ADAMTS3: variants seen among roughly 807,000 people sequenced by gnomAD.
ADAMTS3 encodes ADAM metallopeptidase with thrombospondin type 1 motif 3, also known as A disintegrin and metalloproteinase with thrombospondin motifs 3.
A neutral mutation model predicts 129.0 loss-of-function variants in ADAMTS3; 73 were observed. The ratio of observed to expected loss-of-function variants is 0.57; its 90% CI spans 0.47 to 0.69. The LOEUF (loss-of-function observed/expected upper bound fraction) is 0.69. Among genes scored for constraint, ADAMTS3 ranks in the 30% least tolerant of loss-of-function variants. ADAMTS3 has a pLI of 0.00. For synonymous variants in ADAMTS3, 477 were observed against 510.8 expected (o/e 0.93, Z 0.89); for missense variants, 1,457 against 1,514.5 (o/e 0.96, Z 0.63).
Position 72,473,387 on chromosome 4 carries a change from T to A in ADAMTS3, c.505-58416A>T, listed in dbSNP as rs537162415. Among the ~76,000 whole-genome samples, 3 of 151,994 alleles carry A rather than the reference T, an allele frequency of 2.0e-5. No homozygotes were observed. In the East Asian group the frequency reaches 5.8e-4, roughly 29 times the overall value. On this transcript the variant is annotated intron_variant, in intron 3 of 21. Transcript: ENST00000286657. ...AAAAAAAGTTAGCAACTCAGAAATG[T>A]AGACAAAAACAGGCAAGGAAACAAA...
intron 3 of ADAMTS3, among the ~76,000 whole-genome samples, chr4:72,513,117 C>T (rs1229866450): frequency 6.6e-6 from 1 of 152,120 alleles, no homozygotes; most frequent in Admixed American, 6.5e-5. Flanking sequence ...TGGAGAGTAC[C>T]CACGACTCCC....
At chr4:72,508,881 A>G (rs1017069207) in intron 3 of ADAMTS3, among the ~76,000 whole-genome samples, 2 of 152,116 alleles carry the variant, frequency 1.3e-5, no homozygotes, top group African/African-American at 4.8e-5. Context: ...TAGGTCAAAA[A>G]GCAAGTTTTA....
At chr4:72,413,138 A>C (rs1423882592) in intron 4 of ADAMTS3, among the ~76,000 whole-genome samples, 1 of 151,978 alleles carries the variant, frequency 6.6e-6, no homozygotes, top group African/African-American at 2.4e-5. Context: ...TAGGGCTAAT[A>C]TTTATAGAAA....
chr4:72,552,862 C>A (rs1239298164), intron 2 of ADAMTS3, among the ~76,000 whole-genome samples: 1 of 152,124 alleles, frequency 6.6e-6, no homozygotes, highest in Admixed American at 6.5e-5. Flanking sequence ...TCTTACCTTT[C>A]GCCATAAATC....
At chr4:72,365,504 A>G (rs1284017435) in intron 4 of ADAMTS3, among the ~76,000 whole-genome samples, 1 of 152,184 alleles carries the variant, frequency 6.6e-6, no homozygotes. Context: ...GGCAAGGAAT[A>G]TGCATTATAT....
In ADAMTS3 at chr4:72,473,335, CT is replaced by C. The variant is rs1375330281; in HGVS notation, c.505-58365del. 2.0e-5 allele frequency among the ~76,000 whole-genome samples: 3 copies of C among 152,048 alleles called. No individual in the cohort carries two copies. In the East Asian group the frequency reaches 5.8e-4, roughly 30 times the overall value. The stretch of plus-strand genomic sequence containing the variant: ...GATGACATGCTGGGTTTTCTTTTTG[CT>C]TCTTTTATCCCAGATTTGCAGTGGA... On this transcript the variant is annotated intron_variant, in intron 3 of 21. Coordinates refer to ENST00000286657, the MANE Select transcript of ADAMTS3 (RefSeq NM_014243.3).
At chr4:72,328,940 C>A (rs1719767094) in intron 5 of ADAMTS3, among the ~76,000 whole-genome samples, 2 of 152,178 alleles carry the variant, frequency 1.3e-5, no homozygotes, top group African/African-American at 2.4e-5. Context: ...GTATTCTCAG[C>A]CCCATACTCA....
intron 3 of ADAMTS3, among the ~76,000 whole-genome samples, chr4:72,463,508 A>G (rs752300299): frequency 6.6e-5 from 10 of 151,964 alleles, no homozygotes; most frequent in Non-Finnish European, 1.2e-4. Context: ...GCCACAATGA[A>G]CAGCAAGGTT....
chr4:72,335,018 C>G (rs969662237), intron 5 of ADAMTS3, among the ~76,000 whole-genome samples: 2 of 152,086 alleles, frequency 1.3e-5, no homozygotes, highest in Admixed American at 1.3e-4. Flanking sequence ...GAAGTTATAT[C>G]GAAATCATCT....
In ADAMTS3 at chr4:72,479,794, A is replaced by G. The variant is rs565886006; in HGVS notation, c.505-64823T>C. ...GGGAGAAAATTTTCGCAACCTACTCATCTGACAAAGGGCTAATATCCAGAA... is the reference window on the plus strand; with the variant it reads ...GGGAGAAAATTTTCGCAACCTACTCGTCTGACAAAGGGCTAATATCCAGAA... On this transcript the variant is annotated intron_variant, in intron 3 of 21. Coordinates refer to ENST00000286657, the MANE Select transcript of ADAMTS3 (RefSeq NM_014243.3). Among the ~76,000 whole-genome samples the G allele has an allele frequency of 3.3e-5, 5 of 152,350 alleles. No individual in the cohort carries two copies. In the East Asian group the frequency reaches 7.7e-4, roughly 24 times the overall value.
At chr4:72,448,715 G>A (rs1306451910) in intron 3 of ADAMTS3, among the ~76,000 whole-genome samples, 1 of 151,608 alleles carries the variant, frequency 6.6e-6, no homozygotes, top group Non-Finnish European at 1.5e-5. Context: ...CCCTGCAGAA[G>A]ATGACATTAT....
intron 3 of ADAMTS3, among the ~76,000 whole-genome samples, chr4:72,506,838 A>G (rs1343298853): frequency 2.6e-5 from 4 of 152,180 alleles, no homozygotes. Flanking sequence ...TTCCCCCACC[A>G]GGATCTGGGA....
chr4:72,530,568 TA>T (rs1720992520), intron 3 of ADAMTS3, among the ~76,000 whole-genome samples: 1 of 56,540 alleles, frequency 1.8e-5, no homozygotes, highest in Non-Finnish European at 2.9e-5. Context: ...ATTTAAATAT[TA>T]ATTTAATATA....
intron 4 of ADAMTS3, among the ~76,000 whole-genome samples, chr4:72,370,087 G>A (rs572939950): frequency 2.0e-5 from 3 of 152,168 alleles, no homozygotes; most frequent in Admixed American, 1.3e-4. Flanking sequence ...ATAGACAATC[G>A]CAAAAACAAG....
rs772609500 is a variant in ADAMTS3 at position 72,414,833 on chromosome 4, T to C, written c.643A>G (p.Lys215Glu). 2 of 1,497,234 alleles carry C rather than the reference T, an allele frequency of 1.3e-6. No homozygotes were observed. The highest frequency in any genetic ancestry group is 1.8e-6 in the Non-Finnish European group (2 of 1,128,722). The allele number at this position is 1,497,234 out of a possible 1,614,324, so 92.7% of individuals were successfully genotyped here. Residue 215 changes from lysine (K) to glutamate (E), a missense_variant, in exon 4 of 22, where the codon AAA becomes GAA. Coordinates refer to ENST00000286657, the MANE Select transcript of ADAMTS3 (RefSeq NM_014243.3). The stretch of plus-strand genomic sequence containing the variant: ...CGCCTACCTCTGTAGTGGAAGTCTT[T>C]GGACATGTCTATGGGAGCCTGTTCT... ...AVEQAPIDMS[K>E]DFHYRESDLE...
rs1002163562 is a variant in ADAMTS3 at position 72,313,892 on chromosome 4, C to A, written c.1600-70G>T. 9 of 1,569,908 alleles carry A rather than the reference C, an allele frequency of 5.7e-6. No homozygotes were observed. In the African/African-American group the frequency reaches 9.5e-5, roughly 17 times the overall value. On this transcript the variant is annotated intron_variant, in intron 11 of 21. Transcript: ENST00000286657. The stretch of plus-strand genomic sequence containing the variant: ...TAAAGCTGAAGTTGTTATACAAGAA[C>A]CATCTAGTTGAAGGGCTTTCTTACT...
chr4:72,285,197 A>G (rs535542208), intron 21 of ADAMTS3, among the ~76,000 whole-genome samples: 1 of 152,336 alleles, frequency 6.6e-6, no homozygotes, highest in Admixed American at 6.5e-5. Context: ...ACCAACATTG[A>G]GCTGTAATAC....
At chr4:72,393,813 A>G (rs79446402) in intron 4 of ADAMTS3, among the ~76,000 whole-genome samples, 2,397 of 152,320 alleles carry the variant, frequency 0.016, 73 homozygotes, top group African/African-American at 0.055. Flanking sequence ...AAAGAAGGTT[A>G]AGAACAACAG....
intron 3 of ADAMTS3, among the ~76,000 whole-genome samples, chr4:72,425,217 G>C (rs1253542987): frequency 6.6e-6 from 1 of 151,940 alleles, no homozygotes; most frequent in Non-Finnish European, 1.5e-5. Context: ...ATTATTCTTA[G>C]GAAAATGACA....
Sources: gnomAD v4.1 joint callset for allele counts (sites outside exome capture counted in the v4.1 genomes callset) on GRCh38, gnomAD v4.1.1 for gene constraint, MANE v1.5 for transcripts, NCBI Gene and HGNC (gene_info 2026-07-23, HGNC 2026-07-21) for gene names.